Variants in ANTXR2 observed in about 807,000 individuals in gnomAD.
The protein encoded by ANTXR2 is ANTXR cell adhesion molecule 2, also known as anthrax toxin receptor 2.
ANTXR2 carries 44 observed loss-of-function variants against 73.7 expected under a neutral mutation model. The ratio of observed to expected loss-of-function variants is 0.60; its 90% confidence interval spans 0.47 to 0.77. The LOEUF is 0.77. Ranked by LOEUF, ANTXR2 falls within the 30% of genes least tolerant of loss-of-function variation. The pLI is 0.00. For synonymous variants in ANTXR2, 217 were observed against 205.9 expected, an observed-to-expected ratio of 1.05 and a Z score of -0.46; for missense variants, 604 against 592.5, an observed-to-expected ratio of 1.02 and a Z score of -0.20.
intron 11 of ANTXR2, among the ~76,000 whole-genome samples, chr4:80,009,589 C>T (rs182884547): frequency 9.9e-5 from 15 of 152,228 alleles, no homozygotes; most frequent in Non-Finnish European, 1.6e-4. Flanking sequence ...ATGGCTCACG[C>T]CTGTAATCCC....
intron 16 of ANTXR2, among the ~76,000 whole-genome samples, chr4:79,955,415 A>T (rs1728851974): frequency 6.6e-6 from 1 of 152,084 alleles, no homozygotes. Context: ...GTAACTTGTA[A>T]AATATTTATT....
At chr4:79,965,139 G>A (rs1729316128) in intron 16 of ANTXR2, 2 of 152,222 alleles carry the variant, frequency 1.3e-5, no homozygotes, top group South Asian at 2.1e-4. Context: ...ACCGTGACGG[G>A]ACTCACAGAG....
At chr4:80,059,600 C>A (rs1421526890) in intron 3 of ANTXR2, among the ~76,000 whole-genome samples, 1 of 152,090 alleles carries the variant, frequency 6.6e-6, no homozygotes, top group East Asian at 1.9e-4. Context: ...TCAGGCAAGC[C>A]TCTCATCTTG....
intron 10 of ANTXR2, among the ~76,000 whole-genome samples, chr4:80,021,321 C>T (rs924652440): frequency 6.6e-6 from 1 of 151,706 alleles, no homozygotes; most frequent in Non-Finnish European, 1.5e-5. Context: ...GAAATGGGTG[C>T]CTTGTTTTGT....
intron 16 of ANTXR2, among the ~76,000 whole-genome samples, chr4:79,916,541 T>C (rs7686888): frequency 0.57 from 86,863 of 151,844 alleles, 25,160 homozygotes; most frequent in Non-Finnish European, 0.6. Flanking sequence ...CTTAAATCAA[T>C]AGTAAAAAAA....
chr4:80,064,181 T>G (rs1734390928), intron 3 of ANTXR2, among the ~76,000 whole-genome samples: 2 of 152,202 alleles, frequency 1.3e-5, no homozygotes, highest in African/African-American at 4.8e-5. Context: ...TACGGAAGAT[T>G]TTTTTCCCCA....
intron 16 of ANTXR2, among the ~76,000 whole-genome samples, chr4:79,959,436 T>C (rs1578112450): frequency 6.6e-6 from 1 of 152,128 alleles, no homozygotes. Flanking sequence ...CTAATGCACA[T>C]ATTAACTTAT....
intron 16 of ANTXR2, among the ~76,000 whole-genome samples, chr4:79,966,153 C>CACACACACA (rs1241802192): frequency 6.8e-6 from 1 of 147,380 alleles, no homozygotes; most frequent in South Asian, 2.2e-4. Flanking sequence ...CACACACACA[C>CACACACACA]ACTACTCTAA....
intron 11 of ANTXR2, among the ~76,000 whole-genome samples, chr4:80,018,684 C>T (rs1035132806): frequency 6.6e-6 from 1 of 152,170 alleles, no homozygotes; most frequent in African/African-American, 2.4e-5. Context: ...AAATCAAATG[C>T]ATACTACCTT....
chr4:80,004,693 T>C (rs1731221973), intron 12 of ANTXR2, among the ~76,000 whole-genome samples: 1 of 152,136 alleles, frequency 6.6e-6, no homozygotes, highest in Non-Finnish European at 1.5e-5. Context: ...CTGAATAATG[T>C]CAAGATTTTT....
At chr4:79,930,353 A>G (rs1222938954) in intron 16 of ANTXR2, among the ~76,000 whole-genome samples, 1 of 152,192 alleles carries the variant, frequency 6.6e-6, no homozygotes, top group Non-Finnish European at 1.5e-5. Context: ...AACCTACAGT[A>G]CAACACAAGC....
chr4:80,016,426 C>A (rs1293427285), intron 11 of ANTXR2, among the ~76,000 whole-genome samples: 2 of 152,180 alleles, frequency 1.3e-5, no homozygotes, highest in Non-Finnish European at 2.9e-5. Context: ...CTCAGTTCCT[C>A]CACAAGCATA....
At chr4:80,058,683 A>G (rs987209776) in intron 3 of ANTXR2, among the ~76,000 whole-genome samples, 33 of 151,826 alleles carry the variant, frequency 2.2e-4, no homozygotes, top group Middle Eastern at 3.2e-3. Flanking sequence ...TAATGTTAAA[A>G]AAAAAAGCCT....
chr4:80,072,201 CG>C (rs1734821908), intron 1 of ANTXR2, among the ~76,000 whole-genome samples: 4 of 152,166 alleles, frequency 2.6e-5, no homozygotes, highest in Admixed American at 1.3e-4. Context: ...CCAAGTAGCC[CG>C]GGGCTCCAAT....
At chr4:79,915,121 G>A (rs1727292072) in intron 16 of ANTXR2, among the ~76,000 whole-genome samples, 1 of 152,204 alleles carries the variant, frequency 6.6e-6, no homozygotes, top group South Asian at 2.1e-4. Flanking sequence ...ACCTTCTCAT[G>A]AGCCTCATAA....
chr4:80,013,922 G>C (rs960308183), intron 11 of ANTXR2, among the ~76,000 whole-genome samples: 2 of 152,130 alleles, frequency 1.3e-5, no homozygotes, highest in African/African-American at 2.4e-5. Context: ...GTAATAACTA[G>C]TGGAATAATA....
intron 10 of ANTXR2, among the ~76,000 whole-genome samples, chr4:80,021,500 A>C (rs1439304095): frequency 6.6e-6 from 1 of 152,178 alleles, no homozygotes; most frequent in Non-Finnish European, 1.5e-5. Flanking sequence ...AATCTTACTG[A>C]TTCAACTTTA....
intron 16 of ANTXR2, among the ~76,000 whole-genome samples, chr4:79,919,907 A>G (rs1560856429): frequency 5.6e-5 from 1 of 17,778 alleles, no homozygotes; most frequent in Admixed American, 4.9e-4. Flanking sequence ...ATATATATAT[A>G]TATATATATA....
intron 7 of ANTXR2, among the ~76,000 whole-genome samples, chr4:80,043,112 T>C (rs952881775): frequency 2.0e-5 from 3 of 151,974 alleles, no homozygotes; most frequent in Non-Finnish European, 2.9e-5. Context: ...GTGGGTACAA[T>C]GTGTCTTATT....
Sources: allele counts gnomAD v4.1 joint callset (sites outside exome capture counted in the v4.1 genomes callset), GRCh38; gene constraint gnomAD v4.1.1; transcripts MANE v1.5; gene names NCBI Gene and HGNC (gene_info 2026-07-23, HGNC 2026-07-21).